ASH1L: variants seen among roughly 807,000 people sequenced by gnomAD.
ASH1L encodes the protein histone-lysine N-methyltransferase ASH1L.
A neutral mutation model predicts 269.0 loss-of-function variants in ASH1L; 23 were observed. The ratio of observed to expected loss-of-function variants is 0.09; its 90% CI spans 0.06 to 0.12. The LOEUF (loss-of-function observed/expected upper bound fraction) is 0.12, where lower values mean the gene tolerates loss of function less well. ASH1L is among the 10% of genes least tolerant of loss of function. ASH1L has a pLI of 1.00. For synonymous variants in ASH1L, 1,187 were observed against 1,253.5 expected (o/e 0.95, Z 1.12); for missense variants, 2,912 against 3,567.8 (o/e 0.82, Z 4.68).
chr1:155,464,127 C>A (rs1664508043), intron 3 of ASH1L, among the ~76,000 whole-genome samples: 1 of 152,180 alleles, frequency 6.6e-6, no homozygotes, highest in Non-Finnish European at 1.5e-5. Context: ...CTTTTCCTTG[C>A]TGTCTCCATC....
chr1:155,466,019 G>T (rs999155893), intron 3 of ASH1L, among the ~76,000 whole-genome samples: 17 of 152,134 alleles, frequency 1.1e-4, no homozygotes, highest in African/African-American at 3.9e-4. Flanking sequence ...TGCACTACAA[G>T]AGAGTATGAC....
chr1:155,421,100 G>A (rs1660637449), intron 5 of ASH1L, among the ~76,000 whole-genome samples: 1 of 151,702 alleles, frequency 6.6e-6, no homozygotes, highest in African/African-American at 2.4e-5. Flanking sequence ...CTAGCCAGGT[G>A]TGATGGCTTA....
At chr1:155,441,713 G>A (rs112237383) in intron 4 of ASH1L, among the ~76,000 whole-genome samples, 3 of 150,006 alleles carry the variant, frequency 2.0e-5, no homozygotes, top group Admixed American at 1.3e-4. Flanking sequence ...TGATCTGCCC[G>A]CCTCGGCCTC....
intron 1 of ASH1L, among the ~76,000 whole-genome samples, chr1:155,553,756 A>G (rs980996163): frequency 2.6e-5 from 4 of 152,112 alleles, no homozygotes; most frequent in African/African-American, 9.7e-5. Flanking sequence ...AATGTATTAC[A>G]TAATATTACT....
chr1:155,436,179 T>A (rs909223422), intron 5 of ASH1L, among the ~76,000 whole-genome samples: 2 of 152,210 alleles, frequency 1.3e-5, no homozygotes, highest in Non-Finnish European at 2.9e-5. Flanking sequence ...TTTACAGTTT[T>A]ATTTTTATTT....
At chr1:155,439,289 C>G (rs1187832041) in intron 4 of ASH1L, among the ~76,000 whole-genome samples, 1 of 152,038 alleles carries the variant, frequency 6.6e-6, no homozygotes, top group Non-Finnish European at 1.5e-5. Flanking sequence ...AAAAGAACAA[C>G]TCTCACTTTG....
At chr1:155,465,726 AAAC>A (rs1217096191) in intron 3 of ASH1L, among the ~76,000 whole-genome samples, 3 of 152,342 alleles carry the variant, frequency 2.0e-5, no homozygotes, top group South Asian at 2.1e-4. Flanking sequence ...AATGTGTGTT[AAAC>A]AACGACTGAA....
chr1:155,469,750 C>A (rs549495208), intron 3 of ASH1L, among the ~76,000 whole-genome samples: 1 of 152,294 alleles, frequency 6.6e-6, no homozygotes, highest in East Asian at 1.9e-4. Context: ...ATAAGAGCCT[C>A]ATAATATTTT....
chr1:155,470,552 C>CTTTTTTT (rs112676810), intron 3 of ASH1L, among the ~76,000 whole-genome samples: 1 of 137,492 alleles, frequency 7.3e-6, no homozygotes. Context: ...CAGAAATTAC[C>CTTTTTTT]TTTTTTTTTT....
At chr1:155,388,071 A>C (rs1657589471) in intron 7 of ASH1L, among the ~76,000 whole-genome samples, 1 of 152,100 alleles carries the variant, frequency 6.6e-6, no homozygotes, top group African/African-American at 2.4e-5. Flanking sequence ...TGCTGGTGTA[A>C]GTTTGAGAGA....
chr1:155,541,806 T>A (rs555378581), intron 1 of ASH1L, among the ~76,000 whole-genome samples: 117 of 152,280 alleles, frequency 7.7e-4, no homozygotes, highest in African/African-American at 2.7e-3. Flanking sequence ...ACATCAATTA[T>A]GTTATTTCCT....
intron 5 of ASH1L, among the ~76,000 whole-genome samples, chr1:155,416,935 T>C (rs1378299866): frequency 4.7e-5 from 7 of 147,854 alleles, no homozygotes; most frequent in Non-Finnish European, 1.5e-5. Flanking sequence ...CTTTTCTTTT[T>C]TTTTTTTCTT....
At chr1:155,345,910 C>T (rs531308184) in intron 21 of ASH1L, 26 of 318,470 alleles carry the variant, frequency 8.2e-5, no homozygotes, top group Middle Eastern at 1.1e-3. Flanking sequence ...TGGCTTACTG[C>T]AACATCTGCC....
intron 10 of ASH1L, among the ~76,000 whole-genome samples, chr1:155,371,772 C>T (rs1197573308): frequency 2.0e-5 from 3 of 150,580 alleles, no homozygotes; most frequent in Non-Finnish European, 4.4e-5. Flanking sequence ...CGGCTCACTG[C>T]AAACTCCGCT....
intron 12 of ASH1L, among the ~76,000 whole-genome samples, chr1:155,365,246 C>G (rs977529409): frequency 6.6e-6 from 1 of 152,066 alleles, no homozygotes; most frequent in East Asian, 1.9e-4. Context: ...GCTCTTGTCG[C>G]TCAGGCTGGA....
intron 4 of ASH1L, among the ~76,000 whole-genome samples, chr1:155,459,457 A>T (rs1260515566): frequency 6.6e-6 from 1 of 152,206 alleles, no homozygotes; most frequent in Non-Finnish European, 1.5e-5. Context: ...CAGCCTCCCA[A>T]AGTGCTGGGA....
At chr1:155,394,257 G>A (rs182697376) in intron 7 of ASH1L, among the ~76,000 whole-genome samples, 364 of 152,278 alleles carry the variant, frequency 2.4e-3, no homozygotes, top group South Asian at 0.014. Context: ...AGGCCAGTAT[G>A]ACACAATATA....
chr1:155,404,548 T>C (rs1324892369), intron 6 of ASH1L, among the ~76,000 whole-genome samples: 1 of 152,060 alleles, frequency 6.6e-6, no homozygotes, highest in Admixed American at 6.6e-5. Flanking sequence ...GTGGTGACGA[T>C]GTGAATGATC....
intron 25 of ASH1L, among the ~76,000 whole-genome samples, chr1:155,340,471 G>A (rs757721230): frequency 1.2e-4 from 19 of 152,126 alleles, no homozygotes; most frequent in East Asian, 9.7e-4. Context: ...GTGAGCCACC[G>A]CGCCTGGCCC....
Sources: allele counts gnomAD v4.1 joint callset (sites outside exome capture counted in the v4.1 genomes callset), GRCh38; gene constraint gnomAD v4.1.1; transcripts MANE v1.5; gene names NCBI Gene and HGNC (gene_info 2026-07-23, HGNC 2026-07-21).